LCORL: variants seen among roughly 807,000 people sequenced by gnomAD.
The protein encoded by LCORL is ligand-dependent nuclear receptor corepressor-like protein.
LCORL carries 41 observed loss-of-function variants against 141.8 expected under a neutral mutation model. The ratio of observed to expected loss-of-function variants is 0.29; its 90% confidence interval spans 0.23 to 0.38. The LOEUF (loss-of-function observed/expected upper bound fraction) is 0.38, where lower values mean the gene tolerates loss of function less well. LCORL is among the 10% of genes least tolerant of loss of function. LCORL has a pLI of 1.00. For missense variants in LCORL, 1,759 were observed against 2,035.0 expected (o/e 0.86, Z 2.61); for synonymous variants, 618 against 694.1 (o/e 0.89, Z 1.72).
At chr4:17,987,748 AT>A (rs775511874) in intron 1 of LCORL, among the ~76,000 whole-genome samples, 1 of 152,046 alleles carries the variant, frequency 6.6e-6, no homozygotes, top group Admixed American at 6.6e-5. Flanking sequence ...GATGTTGAAC[AT>A]TTTTTCATGT....
intron 7 of LCORL, among the ~76,000 whole-genome samples, chr4:17,861,748 A>T (rs959970952): frequency 5.3e-5 from 8 of 152,160 alleles, no homozygotes; most frequent in Admixed American, 1.3e-4. Context: ...TTTCCTCTTG[A>T]ATGCTTTGCT....
At chr4:17,922,967 GC>G (rs746460828) in intron 4 of LCORL, among the ~76,000 whole-genome samples, 17 of 151,990 alleles carry the variant, frequency 1.1e-4, no homozygotes, top group African/African-American at 2.4e-5. Flanking sequence ...AAAAGTGATG[GC>G]CCCCCCAAGG....
chr4:17,891,478 G>A (rs924083078), intron 5 of LCORL, among the ~76,000 whole-genome samples: 9 of 152,054 alleles, frequency 5.9e-5, no homozygotes, highest in Non-Finnish European at 1.0e-4. Context: ...AAGATATACC[G>A]TAGATTGTAC....
intron 7 of LCORL, among the ~76,000 whole-genome samples, chr4:17,864,586 GA>G (rs1303842881): frequency 6.6e-6 from 1 of 152,020 alleles, no homozygotes; most frequent in East Asian, 1.9e-4. Flanking sequence ...CTGGAAAAGA[GA>G]AAAAAGGGTG....
intron 1 of LCORL, among the ~76,000 whole-genome samples, chr4:17,993,062 G>A (rs1720303857): frequency 1.3e-5 from 2 of 152,146 alleles, no homozygotes; most frequent in African/African-American, 2.4e-5. Flanking sequence ...TTTAGAAAAG[G>A]AGAACAGCAT....
chr4:17,986,437 G>A (rs1216296485), intron 1 of LCORL, among the ~76,000 whole-genome samples: 1 of 152,134 alleles, frequency 6.6e-6, no homozygotes, highest in African/African-American at 2.4e-5. Flanking sequence ...ATATTTGTTG[G>A]AGACTTTGTT....
At chr4:17,878,799 G>A (rs1487328213) in intron 6 of LCORL, among the ~76,000 whole-genome samples, 4 of 151,222 alleles carry the variant, frequency 2.6e-5, no homozygotes, top group Non-Finnish European at 4.5e-5. Context: ...TTTAATTGAT[G>A]TTAAATACTA....
At chr4:17,869,682 G>A (rs1410854452) in intron 7 of LCORL, among the ~76,000 whole-genome samples, 6 of 151,926 alleles carry the variant, frequency 3.9e-5, no homozygotes, top group African/African-American at 1.5e-4. Context: ...CACTCTCATG[G>A]TTTCAGTTAT....
chr4:17,883,630 A>G (rs1022361292), intron 6 of LCORL: 66 of 1,429,774 alleles, frequency 4.6e-5, no homozygotes, highest in Admixed American at 2.9e-5. Context: ...ACGTGTGTAT[A>G]TAGACACACA....
At chr4:17,930,649 T>C (rs1038372172) in intron 4 of LCORL, among the ~76,000 whole-genome samples, 3 of 152,212 alleles carry the variant, frequency 2.0e-5, no homozygotes, top group African/African-American at 7.2e-5. Context: ...ATAAATGTCA[T>C]GACTGTCATG....
chr4:17,937,768 A>G (rs1737104844), intron 4 of LCORL, among the ~76,000 whole-genome samples: 1 of 152,180 alleles, frequency 6.6e-6, no homozygotes, highest in Non-Finnish European at 1.5e-5. Context: ...ATCTATGGAT[A>G]AGCCTAGCTG....
At chr4:17,868,711 TCTG>T (rs1420842264) in intron 7 of LCORL, among the ~76,000 whole-genome samples, 1 of 152,162 alleles carries the variant, frequency 6.6e-6, no homozygotes, top group East Asian at 1.9e-4. Context: ...TCTCTAGAAC[TCTG>T]CTTTGATCAT....
intron 7 of LCORL, among the ~76,000 whole-genome samples, chr4:17,871,953 C>T (rs1281332188): frequency 6.6e-6 from 1 of 151,842 alleles, no homozygotes; most frequent in Admixed American, 6.6e-5. Context: ...AGTTGAATAA[C>T]TGAATCTTGG....
chr4:17,960,470 A>C (rs181934323), intron 4 of LCORL, among the ~76,000 whole-genome samples: 1 of 152,320 alleles, frequency 6.6e-6, no homozygotes, highest in East Asian at 1.9e-4. Flanking sequence ...ATGACTTCCA[A>C]GGTAAATGAA....
chr4:17,958,968 T>C (rs1484378095), intron 4 of LCORL, among the ~76,000 whole-genome samples: 1 of 152,022 alleles, frequency 6.6e-6, no homozygotes, highest in African/African-American at 2.4e-5. Flanking sequence ...ACAAAATTAG[T>C]TAAAGTTCAC....
intron 1 of LCORL, among the ~76,000 whole-genome samples, chr4:17,995,002 GC>G (rs1362144703): frequency 6.6e-6 from 1 of 151,920 alleles, no homozygotes; most frequent in Non-Finnish European, 1.5e-5. Flanking sequence ...TTAGAATACA[GC>G]CCAATTTGCA....
intron 4 of LCORL, among the ~76,000 whole-genome samples, chr4:17,924,424 A>AG (rs1197926262): frequency 2.6e-5 from 4 of 152,196 alleles, no homozygotes; most frequent in African/African-American, 9.6e-5. Flanking sequence ...GCCACTGCTG[A>AG]GAGCCCAATT....
chr4:17,878,393 A>T (rs1017103074), intron 6 of LCORL, among the ~76,000 whole-genome samples, 180 bp from the exon 7 acceptor site: 1 of 151,532 alleles, frequency 6.6e-6, no homozygotes, highest in African/African-American at 2.4e-5. Context: ...ACTGATAATT[A>T]ATTTCCTATG....
At chr4:17,975,069 G>A (rs1415559306) in intron 1 of LCORL, among the ~76,000 whole-genome samples, 1 of 151,610 alleles carries the variant, frequency 6.6e-6, no homozygotes, top group East Asian at 1.9e-4. Flanking sequence ...CATTTTCTAT[G>A]TTTTTCATTT....
Sources: gnomAD v4.1 joint callset for allele counts (sites outside exome capture counted in the v4.1 genomes callset) on GRCh38, gnomAD v4.1.1 for gene constraint, MANE v1.5 for transcripts, NCBI Gene and HGNC (gene_info 2026-07-23, HGNC 2026-07-21) for gene names.